The following GTF3A variants were observed in gnomAD, a reference collection of about 807,000 sequenced individuals.
GTF3A encodes the protein transcription factor IIIA.
Under a neutral mutation model 37.6 loss-of-function variants are expected in GTF3A, and 40 were observed. The observed-to-expected ratio is 1.06, with a 90% CI of 0.83 to 1.38. The LOEUF (loss-of-function observed/expected upper bound fraction) is 1.38. Ranked by LOEUF, GTF3A falls within the 40% of genes most tolerant of loss-of-function variation. GTF3A has a pLI of 0.00. For missense variants in GTF3A, 500 were observed against 462.6 expected (o/e 1.08, Z -0.74); for synonymous variants, 191 against 166.7 (o/e 1.15, Z -1.12).
rs1456127202 is a variant in GTF3A, at chr13:27,434,202, T to G, written c.626T>G (p.Val209Gly). 5 of 1,312,592 alleles carry G rather than the reference T, an allele frequency of 3.8e-6. No individual in the cohort carries two copies. The highest frequency in any genetic ancestry group is 5.5e-6 in the Non-Finnish European group (5 of 904,618). 81.3% of individuals were successfully genotyped at this position (1,312,592 alleles called of 1,614,324 possible). A position where few individuals can be genotyped will look rare whatever the true frequency, so the allele number is the denominator to read the frequency against. ...ACATGGACGGAACTTCTGAAACATG[T>G]GAGAGAAACCCATAAAGGTAAGGCA... Residue 209 changes from valine to glycine, a missense_variant, in exon 6 of 9, where the codon GTG becomes GGG. Val to Gly is a moderately radical substitution (Grantham distance 109). Coordinates refer to ENST00000381140, the MANE Select transcript of GTF3A (RefSeq NM_002097.3).
Position 27,435,019 on chromosome 13 carries a change from A to G in GTF3A, c.858A>G (p.Lys286=), listed in dbSNP as rs375907496. 1 of 1,601,200 alleles carries G rather than the reference A, an allele frequency of 6.2e-7. No individual in the cohort carries two copies. Among genetic ancestry groups the G allele is most frequent in the African/African-American group, 1.3e-5 (1 of 74,634 alleles). The change falls in exon 7 of 9, where the codon AAA becomes AAG. Residue 286 remains lysine (K), a synonymous_variant. Transcript: ENST00000381140. ...TGTGTGAACATGCTGGCTGTGGCAAAACATTTGCAATGAAAGTAAGCACTC... is the reference window on the plus strand; with the variant it reads ...TGTGTGAACATGCTGGCTGTGGCAAGACATTTGCAATGAAAGTAAGCACTC...
chr13:27,433,542 T>TTG (rs68171928), intron 5 of GTF3A, among the ~76,000 whole-genome samples: 138 of 5,868 alleles, frequency 0.024, no homozygotes, highest in Middle Eastern at 0.5. Flanking sequence ...AAAAACTTTT[T>TTG]TTTTTTTTTT....
At chr13:27,434,316 A>G (rs1953687939) in intron 6 of GTF3A, 97 bp downstream of exon 6, 2 of 738,906 alleles carry the variant, frequency 2.7e-6, no homozygotes, top group Non-Finnish European at 5.0e-6. Flanking sequence ...GCTTTAAAGT[A>G]AAAGGGTTTC....
chr13:27,433,991 TTA>T (rs1953683695), intron 5 of GTF3A, 146 bp from the exon 6 acceptor site: 3 of 580,830 alleles, frequency 5.2e-6, no homozygotes, highest in Non-Finnish European at 9.3e-6. Flanking sequence ...CAATCTTTTT[TTA>T]GTTTTTATTC....
intron 5 of GTF3A, 76 bp downstream of exon 5, chr13:27,432,880 C>T (rs528453847): frequency 2.0e-5 from 24 of 1,224,650 alleles, no homozygotes; most frequent in African/African-American, 7.5e-5. Context: ...TCTGTGATCA[C>T]GCTGAAAAGA....
Position 27,424,619 on chromosome 13 carries a change from A to C in GTF3A, c.-119A>C. On this transcript the variant is annotated 5_prime_UTR_variant, in exon 1 of 9. Transcript: ENST00000381140. Reference sequence around the variant, plus strand: ...GCCTGGTGACCGCGCGCGCTCCCGGAAGTGTGCCGGCGTCGCGCGAAGGTT... The same window carrying C: ...GCCTGGTGACCGCGCGCGCTCCCGGCAGTGTGCCGGCGTCGCGCGAAGGTT... 1 of 616,918 alleles carries C rather than the reference A, an allele frequency of 1.6e-6. No homozygotes were observed. Among genetic ancestry groups the C allele is most frequent in the Non-Finnish European group, 2.3e-6 (1 of 427,182 alleles). The allele number at this position is 616,918 out of a possible 1,614,324, so 38.2% of individuals were successfully genotyped here.
chr13:27,431,326 G>A (rs1190390087), intron 4 of GTF3A, among the ~76,000 whole-genome samples: 2 of 152,130 alleles, frequency 1.3e-5, no homozygotes, highest in African/African-American at 2.4e-5. Context: ...ATATGAAAAA[G>A]ACACATGCAC....
intron 1 of GTF3A, among the ~76,000 whole-genome samples, chr13:27,426,566 T>G (rs1953606750): frequency 6.6e-6 from 1 of 152,232 alleles, no homozygotes; most frequent in East Asian, 1.9e-4. Context: ...TTTAGGGTGT[T>G]GAGCTGTTTT....
chr13:27,434,903 T>C lies in GTF3A; in HGVS notation c.742T>C (p.Cys248Arg), dbSNP rs1953695496. The C allele has an allele frequency of 6.2e-7, 1 of 1,610,810 alleles. No homozygotes were observed. The highest frequency in any genetic ancestry group is 8.5e-7 in the Non-Finnish European group (1 of 1,176,968). ...TGCCCCAGAAAGGGATGTATGTCGC[T>C]GTCCAAGAGAAGGCTGTGGAAGAAC... The change falls in exon 7 of 9, where the codon TGT (cysteine) becomes CGT (arginine). Residue 248 changes from cysteine (C) to arginine (R), a missense_variant. Cys to Arg is a radical substitution (Grantham distance 180). Coordinates refer to ENST00000381140, the MANE Select transcript of GTF3A (RefSeq NM_002097.3).
chr13:27,426,899 G>A (rs1953609228), intron 1 of GTF3A, among the ~76,000 whole-genome samples, 193 bp from the exon 2 acceptor site: 1 of 152,208 alleles, frequency 6.6e-6, no homozygotes, highest in Non-Finnish European at 1.5e-5. Context: ...GTGACTTTGT[G>A]AGAAGTTGTG....
At chr13:27,425,203 A>G (rs902009579) in intron 1 of GTF3A, 1 of 447,972 alleles carries the variant, frequency 2.2e-6, no homozygotes, top group African/African-American at 2.0e-5. Flanking sequence ...CGTAATCTGC[A>G]AATAAGTGTG....
At chr13:27,428,019 A>G (rs1156279050) in intron 2 of GTF3A, among the ~76,000 whole-genome samples, 3 of 152,110 alleles carry the variant, frequency 2.0e-5, no homozygotes, top group Non-Finnish European at 4.4e-5. Context: ...CATGCCTGTA[A>G]TCCCAGCACT....
intron 4 of GTF3A, among the ~76,000 whole-genome samples, chr13:27,432,404 A>AG (rs1160845486): frequency 6.6e-6 from 1 of 152,234 alleles, no homozygotes; most frequent in Non-Finnish European, 1.5e-5. Flanking sequence ...AGAATGGCTT[A>AG]GGGGTTTATC....
Position 27,434,919 on chromosome 13 carries a change from G to C in GTF3A, c.758G>C (p.Cys253Ser), listed in dbSNP as rs771946503. 7 of 1,608,928 alleles carry C rather than the reference G, an allele frequency of 4.4e-6. No homozygotes were observed. Among genetic ancestry groups the C allele is most frequent in the Non-Finnish European group, 6.0e-6 (7 of 1,175,180 alleles). The stretch of plus-strand genomic sequence containing the variant: ...GTATGTCGCTGTCCAAGAGAAGGCT[G>C]TGGAAGAACCTATACAACTGTGTTT... Residue 253 changes from cysteine to serine, a missense_variant, in exon 7 of 9, where the codon TGT becomes TCT. Coordinates refer to ENST00000381140, the MANE Select transcript of GTF3A (RefSeq NM_002097.3).
intron 2 of GTF3A, 106 bp downstream of exon 2, chr13:27,427,298 C>G (rs1449252651): frequency 8.8e-6 from 6 of 684,582 alleles, no homozygotes; most frequent in Non-Finnish European, 1.6e-5. Context: ...TGAAGCCTGG[C>G]AGGGCTCGGT....
intron 4 of GTF3A, among the ~76,000 whole-genome samples, chr13:27,431,707 T>C (rs1245913708): frequency 6.6e-6 from 1 of 152,064 alleles, no homozygotes; most frequent in Non-Finnish European, 1.5e-5. Context: ...GATGGTGCGC[T>C]AAAATCTCAG....
chr13:27,432,790 C>A lies in GTF3A; in HGVS notation c.548C>A (p.Ala183Asp). The change falls in exon 5 of 9, where the codon GCC (alanine) becomes GAC (aspartate). Residue 183 changes from alanine (A) to aspartate (D), a missense_variant. Transcript: ENST00000381140. ...TCACCCAGCAAGCTGAAACGACATG[C>A]CAAGGCCCACGAGGGTGTGTACGGA... 2 of 1,602,760 alleles carry A rather than the reference C, an allele frequency of 1.2e-6. No homozygotes were observed. Among genetic ancestry groups the A allele is most frequent in the Non-Finnish European group, 1.7e-6 (2 of 1,174,360 alleles).
rs1182740316 is a variant in GTF3A, at chr13:27,427,186, C to T, written c.296C>T (p.Pro99Leu). Residue 99 changes from proline (P) to leucine (L), a missense_variant, in exon 2 of 9, where the codon CCG (proline) becomes CTG (leucine). Coordinates refer to ENST00000381140, the MANE Select transcript of GTF3A (RefSeq NM_002097.3). ...ATTCTGACTCACACAGGAGAAAAGC[C>T]GTTTGTGTAAGTAGAGACCTGTTTT... 2.5e-6 allele frequency: 4 copies of T among 1,569,096 alleles called. No homozygotes were observed. Among genetic ancestry groups the T allele is most frequent in the African/African-American group, 1.3e-5 (1 of 74,090 alleles).
intron 6 of GTF3A, 141 bp downstream of exon 6, chr13:27,434,360 T>A (rs941512321): frequency 7.4e-6 from 5 of 671,994 alleles, no homozygotes; most frequent in South Asian, 5.3e-5. Flanking sequence ...GGGTATGATG[T>A]TGTTGGAAAG....
Sources: allele counts gnomAD v4.1 joint callset (sites outside exome capture counted in the v4.1 genomes callset), GRCh38; gene constraint gnomAD v4.1.1; transcripts MANE v1.5; gene names NCBI Gene and HGNC (gene_info 2026-07-23, HGNC 2026-07-21).